The following COL6A3 variants were observed in gnomAD, a reference collection of about 807,000 sequenced individuals.
The protein encoded by COL6A3 is collagen type VI alpha 3 chain, also known as collagen alpha-3(VI) chain.
A neutral mutation model predicts 274.1 loss-of-function variants in COL6A3; 137 were observed. That is an observed-to-expected ratio of 0.50 (90% CI 0.44 to 0.58). The LOEUF is 0.58. Among genes scored for constraint, COL6A3 ranks in the 20% least tolerant of loss-of-function variants. The pLI is 0.00. For synonymous variants in COL6A3, 1,650 were observed against 1,650.6 expected (o/e 1.00, Z 0.01); for missense variants, 3,950 against 4,124.9 (o/e 0.96, Z 1.16).
chr2:237,402,133 G>C (rs2078606494), intron 1 of COL6A3, among the ~76,000 whole-genome samples: 1 of 152,108 alleles, frequency 6.6e-6, no homozygotes, highest in South Asian at 2.1e-4. Context: ...AAAGACAAAT[G>C]CATTACTTTA....
intron 22 of COL6A3, 87 bp from the exon 23 acceptor site, chr2:237,357,478 G>A (rs2077343499): frequency 7.9e-7 from 1 of 1,264,350 alleles, no homozygotes; most frequent in African/African-American, 1.5e-5. Flanking sequence ...TGCAGGGAAA[G>A]GGGTCGATTC....
Position 237,387,685 on chromosome 2 carries a change from C to T in COL6A3, c.1209G>A (p.Pro403=), listed in dbSNP as rs373903065. The change falls in exon 4 of 44, where the codon CCG becomes CCA. Residue 403 remains proline (P), a synonymous_variant. Coordinates refer to ENST00000295550, the MANE Select transcript of COL6A3 (RefSeq NM_004369.4). The part of the protein sequence containing the change: ...ATDDNLVFTV[P]EFRSFGDLQE... ...GGAGGTCCCCAAAGCTACGGAATTC[C>T]GGGACAGTAAACACCAAGTTGTCAT... 6.8e-6 allele frequency: 11 copies of T among 1,613,722 alleles called. No individual in the cohort carries two copies. In the Admixed American group the frequency reaches 8.3e-5, roughly 12 times the overall value.
intron 28 of COL6A3, 117 bp from the exon 29 acceptor site, chr2:237,348,780 G>A (rs985961308): frequency 4.8e-5 from 42 of 874,434 alleles, no homozygotes; most frequent in Non-Finnish European, 7.2e-5. Flanking sequence ...AATGTTTGCA[G>A]ACTAAGGTAC....
chr2:237,355,783 T>C (rs1285989545), intron 23 of COL6A3: 1 of 152,264 alleles, frequency 6.6e-6, no homozygotes, highest in Admixed American at 6.5e-5. Context: ...TTCGCTGTAA[T>C]GCCACCTGCT....
At chr2:237,412,992 T>C (rs2078893524) in intron 1 of COL6A3, among the ~76,000 whole-genome samples, 1 of 152,110 alleles carries the variant, frequency 6.6e-6, no homozygotes, top group Non-Finnish European at 1.5e-5. Flanking sequence ...CCCTAGTCCC[T>C]CCCAGTGACC....
Position 237,413,152 on chromosome 2 carries a change from G to A in COL6A3, c.-31+801C>T, listed in dbSNP as rs1481676106. ...CCTGCATCCTCCGGGCCAGAGAACA[G>A]CCCTCGGGGCCTCCCAGCTCGGCAC... is the stretch of plus-strand genomic sequence containing the variant. On this transcript the variant is annotated intron_variant, in intron 1 of 43. Coordinates refer to ENST00000295550, the MANE Select transcript of COL6A3 (RefSeq NM_004369.4). This position sits in a 1 kb window ranked among gnomAD's most constrained non-coding sequence, Gnocchi z 4.0. 2.6e-5 allele frequency among the ~76,000 whole-genome samples: 4 copies of A among 152,212 alleles called. 1 individual carries two copies. In the South Asian group the frequency reaches 8.3e-4, roughly 31 times the overall value.
chr2:237,357,050 A>C, intron 23 of COL6A3: 1 of 507,892 alleles, frequency 2.0e-6, no homozygotes, highest in Non-Finnish European at 3.5e-6. Flanking sequence ...TCTCTTAAAT[A>C]TTTAGTTGGA....
At position 237,340,484 on chromosome 2, in the gene COL6A3, C is replaced by T. The variant is rs769656291; in HGVS notation, c.8432G>A (p.Arg2811His). The change falls in exon 38 of 44, where the codon CGC (arginine) becomes CAC (histidine). Residue 2811 changes from arginine (R) to histidine (H), a missense_variant. This residue lies in a region of COL6A3 where 1,284 missense variants were observed against 1,349.7 expected (regional missense o/e 0.95). Coordinates refer to ENST00000295550, the MANE Select transcript of COL6A3 (RefSeq NM_004369.4). ...STELNEEPLM[R>H]FGRLLPSFVS... ...GAAGGATGGCAACAGCCTCCCGAAG[C>T]GCATCAAAGGCTCCTCGTTGAGCTC... 3.1e-5 allele frequency: 50 copies of T among 1,613,752 alleles called. No individual in the cohort carries two copies. The highest frequency in any genetic ancestry group is 6.7e-5 in the East Asian group (3 of 44,890).
chr2:237,402,942 G>A (rs2078628648), intron 1 of COL6A3, among the ~76,000 whole-genome samples: 1 of 152,202 alleles, frequency 6.6e-6, no homozygotes, highest in Non-Finnish European at 1.5e-5. Context: ...CAGGGATGAG[G>A]ATGATCTAAT....
intron 3 of COL6A3, among the ~76,000 whole-genome samples, chr2:237,393,160 T>A (rs2078336009): frequency 6.6e-6 from 1 of 152,144 alleles, no homozygotes; most frequent in Non-Finnish European, 1.5e-5. Context: ...TCTCTATTGT[T>A]CCCTCTTTGC....
In COL6A3 at chr2:237,376,954, A is replaced by G; in HGVS notation, c.2888T>C (p.Leu963Pro). 6.2e-7 allele frequency: 1 copy of G among 1,614,254 alleles called. No individual in the cohort carries two copies. The highest frequency in any genetic ancestry group is 8.5e-7 in the Non-Finnish European group (1 of 1,180,046). ...SDRVDGPASN[L>P]KQSGVVPFIF... ...GAAAGGCACAACCCCACTCTGCTTC[A>G]GGTTACTTGCTGGCCCATCCACACG... Residue 963 changes from leucine to proline, a missense_variant, in exon 7 of 44, where the codon CTG becomes CCG. Physicochemically the swap from Leu to Pro is moderately conservative, Grantham distance 98. Coordinates refer to ENST00000295550, the MANE Select transcript of COL6A3 (RefSeq NM_004369.4).
intron 42 of COL6A3, among the ~76,000 whole-genome samples, chr2:237,332,187 C>G: frequency 7.0e-6 from 1 of 143,880 alleles, no homozygotes; most frequent in Non-Finnish European, 1.5e-5. Flanking sequence ...GAATTAGGCA[C>G]TGTTTATACA....
Position 237,359,233 on chromosome 2 carries a change from A to T in COL6A3, c.6327T>A (p.Ile2109=). 1 of 1,614,248 alleles carries T rather than the reference A, an allele frequency of 6.2e-7. No homozygotes were observed. Among genetic ancestry groups the T allele is most frequent in the Non-Finnish European group, 8.5e-7 (1 of 1,180,044 alleles). The change falls in exon 19 of 44, where the codon ATT becomes ATA. Residue 2109 remains isoleucine, a synonymous_variant. Transcript: ENST00000295550. The stretch of plus-strand genomic sequence containing the variant: ...CTTCACCATCCAGACCATCCAGTCC[A>T]ATTTCTCCTACTTCGCCCTAAGAGG... ...FPGEKGEVGE[I]GLDGLDGEDG...
intron 40 of COL6A3, among the ~76,000 whole-genome samples, chr2:237,335,098 T>C (rs543752015): frequency 3.3e-4 from 50 of 152,330 alleles, no homozygotes; most frequent in African/African-American, 1.1e-3. Context: ...TTCACAGTAA[T>C]GAAAAATCTC....
chr2:237,347,467 C>T (rs72984201), intron 31 of COL6A3, among the ~76,000 whole-genome samples: 5,450 of 152,302 alleles, frequency 0.036, 122 homozygotes, highest in African/African-American at 0.059. Flanking sequence ...ATTGCCTGGC[C>T]GTCTGGGTGG....
At chr2:237,372,711 G>A (rs1160834451) in intron 8 of COL6A3, among the ~76,000 whole-genome samples, 1 of 152,196 alleles carries the variant, frequency 6.6e-6, no homozygotes, top group Non-Finnish European at 1.5e-5. Context: ...CTTGGGGGAG[G>A]AGCAAGGGTG....
chr2:237,393,328 C>T (rs368964525), intron 3 of COL6A3, among the ~76,000 whole-genome samples: 5 of 152,196 alleles, frequency 3.3e-5, no homozygotes, highest in African/African-American at 9.6e-5. Context: ...TGTTTTGTGA[C>T]CCCTCTTCAC....
Position 237,371,214 on chromosome 2 carries a change from G to A in COL6A3, c.4285+518C>T, listed in dbSNP as rs749085457. Among the ~76,000 whole-genome samples the A allele has an allele frequency of 3.4e-4, 51 of 152,116 alleles. No homozygotes were observed. The highest frequency in any genetic ancestry group is 6.5e-4 in the Admixed American group (10 of 15,282). ...TGGAGATGCCCTCATGCTTTGCCAC[G>A]GTATGCATTCTCCCTGGATGCCATG... On this transcript the variant is annotated intron_variant, in intron 9 of 43. Transcript: ENST00000295550. This position sits in a 1 kb window ranked among gnomAD's most constrained non-coding sequence, Gnocchi z 4.3.
At chr2:237,357,017 C>A in intron 23 of COL6A3, 1 of 431,454 alleles carries the variant, frequency 2.3e-6, no homozygotes, top group South Asian at 3.5e-5. Context: ...CTCCCTCCCC[C>A]AGTATTAGGA....
Sources: gnomAD v4.1 joint callset for allele counts (sites outside exome capture counted in the v4.1 genomes callset) on GRCh38, gnomAD v4.1.1 for gene constraint, gnomAD v4.1.1 regional missense constraint, Gnocchi (gnomAD v3.1) non-coding constraint, MANE v1.5 for transcripts, NCBI Gene and HGNC (gene_info 2026-07-23, HGNC 2026-07-21) for gene names.